KLC1: variants seen among roughly 807,000 people sequenced by gnomAD.
KLC1 encodes kinesin light chain 1, also known as kinesin 2 60/70kDa.
In KLC1, 30 loss-of-function variants were observed where a neutral mutation model predicts 84.2. The ratio of observed to expected loss-of-function variants is 0.36; its 90% CI spans 0.27 to 0.48. The LOEUF (loss-of-function observed/expected upper bound fraction) is 0.48. Ranked by LOEUF, KLC1 falls within the 20% of genes least tolerant of loss-of-function variation. The pLI, the probability that KLC1 is intolerant of heterozygous loss-of-function variation, is 0.99. For synonymous variants in KLC1, 289 were observed against 293.3 expected (o/e 0.99, Z 0.15); for missense variants, 499 against 805.4 (o/e 0.62, Z 4.60).
chr14:103,629,940 C>G (rs987433821), intron 1 of KLC1, among the ~76,000 whole-genome samples: 5 of 152,112 alleles, frequency 3.3e-5, no homozygotes, highest in Non-Finnish European at 7.4e-5. Flanking sequence ...GGCGGGGAGG[C>G]CGGAGGCCCG....
rs753371151 is a variant in KLC1 at position 103,699,360 on chromosome 14, T to A, written c.1849-1295T>A. Reference sequence around the variant, plus strand: ...CAGGGGTGCAACCCTGCCTTGGTGCTCACCTGGTTGATGCACAGCACAGGG... The same window carrying A: ...CAGGGGTGCAACCCTGCCTTGGTGCACACCTGGTTGATGCACAGCACAGGG... On this transcript the variant is annotated intron_variant, in intron 15 of 16. Coordinates refer to ENST00000334553, the MANE Select transcript of KLC1 (RefSeq NM_001394837.1). 8 of 1,600,792 alleles carry A rather than the reference T, an allele frequency of 5.0e-6. No individual in the cohort carries two copies. The South Asian group carries it at 8.9e-5, about 18-fold the overall frequency.
At chr14:103,691,775 G>A (rs968549832) in intron 14 of KLC1, among the ~76,000 whole-genome samples, 7 of 151,444 alleles carry the variant, frequency 4.6e-5, no homozygotes, top group Admixed American at 2.0e-4. Context: ...TTTTTGTTTC[G>A]TTTTGTTTTA....
intron 1 of KLC1, among the ~76,000 whole-genome samples, chr14:103,652,175 C>T (rs912576595): frequency 6.6e-6 from 1 of 152,190 alleles, no homozygotes; most frequent in Non-Finnish European, 1.5e-5. Flanking sequence ...TTATTTTCCT[C>T]CTCCTGAAGA....
rs1454786577 is a variant in KLC1, at chr14:103,679,477, G to A, written c.1582G>A (p.Asp528Asn). The A allele has an allele frequency of 1.2e-6, 2 of 1,614,158 alleles. No individual in the cohort carries two copies. Among genetic ancestry groups the A allele is most frequent in the Admixed American group, 1.7e-5 (1 of 60,016 alleles). ...KRRSRESLNV[D>N]VVKYESGPDG... Reference sequence around the variant, plus strand: ...CAGGAGCCGTGAGAGCCTCAACGTGGACGTGGTCAAGTACGAGAGTGGCCC... The same window carrying A: ...CAGGAGCCGTGAGAGCCTCAACGTGAACGTGGTCAAGTACGAGAGTGGCCC... The change falls in exon 13 of 17, where the codon GAC (aspartate) becomes AAC (asparagine). Residue 528 changes from aspartate to asparagine, a missense_variant. By Grantham distance (23) the Asp-to-Asn change is conservative. Coordinates refer to ENST00000334553, the MANE Select transcript of KLC1 (RefSeq NM_001394837.1).
chr14:103,635,459 TA>T (rs1211921747), intron 1 of KLC1, among the ~76,000 whole-genome samples: 1 of 151,920 alleles, frequency 6.6e-6, no homozygotes, highest in Non-Finnish European at 1.5e-5. Flanking sequence ...CCTTGTTTCT[TA>T]AAAAAATAAA....
At chr14:103,670,098 G>A in intron 6 of KLC1, 84 bp from the exon 7 acceptor site, 1 of 919,322 alleles carries the variant, frequency 1.1e-6, no homozygotes, top group Non-Finnish European at 1.7e-6. Context: ...TGTATAGATT[G>A]AATATAAATG....
In KLC1 at chr14:103,693,817, C is replaced by T. The variant is rs1355136034; in HGVS notation, c.1848+1392C>T. 7.2e-7 allele frequency: 1 copy of T among 1,393,738 alleles called. No homozygotes were observed. Among genetic ancestry groups the T allele is most frequent in the Non-Finnish European group, 9.3e-7 (1 of 1,077,364 alleles). The allele number at this position is 1,393,738 out of a possible 1,614,324, so 86.3% of individuals were successfully genotyped here. ...GCATTCTGTTACTCGGCCTGCAGCC[C>T]CAGTGCCAGGAGCCACCCCGACCGC... is the stretch of plus-strand genomic sequence containing the variant. On this transcript the variant is annotated intron_variant, in intron 15 of 16. Coordinates refer to ENST00000334553, the MANE Select transcript of KLC1 (RefSeq NM_001394837.1). This position sits in a 1 kb window ranked among gnomAD's most constrained non-coding sequence, Gnocchi z 5.1.
intron 1 of KLC1, among the ~76,000 whole-genome samples, chr14:103,630,830 G>C (rs1230120818): frequency 2.0e-5 from 3 of 152,204 alleles, no homozygotes; most frequent in Non-Finnish European, 2.9e-5. Flanking sequence ...GTCTCTCCAA[G>C]TCATCAAAGA....
chr14:103,696,092 G>GCCCCCCCCCCCCCCCCCCCC (rs746987341), intron 15 of KLC1: 1 of 758,922 alleles, frequency 1.3e-6, no homozygotes, highest in Admixed American at 1.0e-4. Context: ...TAATCACTGC[G>GCCCCCCCCCCCCCCCCCCCC]CCCCCGCCCC....
In KLC1 at chr14:103,700,653, A is replaced by G. The variant is rs1454190577; in HGVS notation, c.1849-2A>G. ...TGAAACTCGTCTGTGCTTCATCTCCAGGGCGTCTCTGGCCGAGCCTCTTTT... is the reference window on the plus strand; with the variant it reads ...TGAAACTCGTCTGTGCTTCATCTCCGGGGCGTCTCTGGCCGAGCCTCTTTT... On this transcript the variant is annotated splice_acceptor_variant, in intron 15 of 16. Coordinates refer to ENST00000334553, the MANE Select transcript of KLC1 (RefSeq NM_001394837.1). LOFTEE classifies it high-confidence loss of function. 2 of 1,606,434 alleles carry G rather than the reference A, an allele frequency of 1.2e-6. No individual in the cohort carries two copies. The highest frequency in any genetic ancestry group is 2.7e-5 in the African/African-American group (2 of 74,404).
intron 15 of KLC1, chr14:103,699,155 C>G: frequency 6.4e-7 from 1 of 1,570,744 alleles, no homozygotes; most frequent in South Asian, 1.2e-5. Context: ...TGTGCTGCGC[C>G]CTGCTCCTCC....
Position 103,661,996 on chromosome 14 carries a change from T to G in KLC1, c.493-120T>G. 5.5e-6 allele frequency: 4 copies of G among 727,768 alleles called. No homozygotes were observed. The South Asian group carries it at 7.2e-5, about 13-fold the overall frequency. The allele number at this position is 727,768 out of a possible 1,614,324, so 45.1% of individuals were successfully genotyped here. On this transcript the variant is annotated intron_variant, in intron 3 of 16. Coordinates refer to ENST00000334553, the MANE Select transcript of KLC1 (RefSeq NM_001394837.1). ...ATTGTCGGCGATCCTACATTTGATG[T>G]TAAAAACTGATCATCTTTTCTAAGA... is the stretch of plus-strand genomic sequence containing the variant.
chr14:103,643,715 G>A (rs2077669039), intron 1 of KLC1, among the ~76,000 whole-genome samples: 2 of 150,592 alleles, frequency 1.3e-5, no homozygotes, highest in African/African-American at 2.4e-5. Context: ...ATCACTTGAG[G>A]TCAAGAGTTC....
In KLC1 at chr14:103,701,433, C is replaced by T. The variant is rs931382528; in HGVS notation, c.*234C>T. The T allele has an allele frequency of 2.2e-6, 1 of 458,862 alleles. No individual in the cohort carries two copies. Among genetic ancestry groups the T allele is most frequent in the African/African-American group, 2.0e-5 (1 of 50,720 alleles). The allele number at this position is 458,862 out of a possible 1,614,324, so 28.4% of individuals were successfully genotyped here. A position where few individuals can be genotyped will look rare whatever the true frequency, so the allele number is the denominator to read the frequency against. On this transcript the variant is annotated 3_prime_UTR_variant, in exon 17 of 17. Transcript: ENST00000334553. ...GTGCGGCGTGGTCTCTCCCAGGAGA[C>T]CTGGGGCATGAGCTGGGCCCACGGC...
At chr14:103,680,394 G>A (rs766235727) in intron 13 of KLC1, among the ~76,000 whole-genome samples, 20 of 151,950 alleles carry the variant, frequency 1.3e-4, no homozygotes, top group Non-Finnish European at 2.2e-4. Flanking sequence ...AGTTGCCGTA[G>A]TACAGTTTGA....
chr14:103,698,795 G>A lies in KLC1; in HGVS notation c.1849-1860G>A, dbSNP rs772562364. ...GCAGGGCTGTTGTGCAGCCGCCACC[G>A]TGTCAGTGGGACTGGGTCCCAGGTG... On this transcript the variant is annotated intron_variant, in intron 15 of 16. Transcript: ENST00000334553. 2.3e-5 allele frequency: 36 copies of A among 1,591,062 alleles called. No homozygotes were observed. In the South Asian group the frequency reaches 2.5e-4, roughly 11 times the overall value.
chr14:103,674,742 A>G (rs1455263315), intron 9 of KLC1, among the ~76,000 whole-genome samples: 2 of 152,134 alleles, frequency 1.3e-5, no homozygotes, highest in Admixed American at 6.6e-5. Context: ...TACTTTTGCT[A>G]GCAACATCTT....
At chr14:103,662,270 C>G in intron 4 of KLC1, 76 bp downstream of exon 4, 1 of 1,210,408 alleles carries the variant, frequency 8.3e-7, no homozygotes, top group Non-Finnish European at 1.2e-6. Flanking sequence ...TCATAGCAAT[C>G]AGTGGCAGCC....
chr14:103,645,264 C>T (rs921096175), intron 1 of KLC1, among the ~76,000 whole-genome samples: 3 of 151,188 alleles, frequency 2.0e-5, no homozygotes, highest in African/African-American at 7.3e-5. Context: ...GGAGCCACTG[C>T]GCCTGGCCTG....
Sources: gnomAD v4.1 joint callset for allele counts (sites outside exome capture counted in the v4.1 genomes callset) on GRCh38, gnomAD v4.1.1 for gene constraint, Gnocchi (gnomAD v3.1) non-coding constraint, MANE v1.5 for transcripts, NCBI Gene and HGNC (gene_info 2026-07-23, HGNC 2026-07-21) for gene names.